Variants in SLC6A20 observed in about 807,000 individuals in gnomAD.
SLC6A20 encodes sodium- and chloride-dependent transporter XTRP3.
SLC6A20 carries 73 observed loss-of-function variants against 64.3 expected under a neutral mutation model. The ratio of observed to expected loss-of-function variants is 1.14; its 90% confidence interval spans 0.94 to 1.38. The LOEUF is 1.38. Among genes scored for constraint, SLC6A20 ranks in the 40% most tolerant of loss-of-function variants. The probability of loss-of-function intolerance (pLI) is 0.00; values close to 1 mark genes in which losing one functional copy is unlikely to be tolerated. For missense variants in SLC6A20, 725 were observed against 772.8 expected, an observed-to-expected ratio of 0.94 and a Z score of 0.73; for synonymous variants, 347 against 329.6, an observed-to-expected ratio of 1.05 and a Z score of -0.57.
intron 6 of SLC6A20, 76 bp from the exon 7 acceptor site, chr3:45,770,447 C>A: frequency 6.4e-7 from 1 of 1,556,578 alleles, no homozygotes; most frequent in Non-Finnish European, 8.7e-7. Context: ...TCAGCCTCTT[C>A]TTTTCTGATT....
chr3:45,771,514 A>G, intron 5 of SLC6A20, 56 bp from the exon 6 acceptor site: 1 of 1,605,926 alleles, frequency 6.2e-7, no homozygotes, highest in African/African-American at 1.3e-5. Context: ...CCAAATGCTC[A>G]GACCCGCAAC....
At position 45,759,137 on chromosome 3, in the gene SLC6A20, G is replaced by T. The variant is rs1374624485; in HGVS notation, c.1630-10C>A. The stretch of plus-strand genomic sequence containing the variant: ...TGGTCACGAGCTGGCCCTGAAAGGA[G>T]AGACTGAGTGTCAGCAGAGAGCACC... On this transcript the variant is annotated splice_polypyrimidine_tract_variant and intron_variant, in intron 10 of 10. Transcript: ENST00000358525. 6.2e-7 allele frequency: 1 copy of T among 1,605,732 alleles called. No individual in the cohort carries two copies. The highest frequency in any genetic ancestry group is 1.3e-5 in the African/African-American group (1 of 74,812).
chr3:45,757,258 G>A lies in SLC6A20; in HGVS notation c.*1720C>T. 1 of 150,506 alleles carries A rather than the reference G, an allele frequency of 6.6e-6. No homozygotes were observed. The highest frequency in any genetic ancestry group is 1.5e-5 in the Non-Finnish European group (1 of 67,900). The allele number at this position is 150,506 out of a possible 1,614,324, so 9.3% of individuals were successfully genotyped here. ...CAGAAGCCTTCCTCTTATCTCAACT[G>A]CAAAGAGGCCTCCCTCCTTCACTAT... On this transcript the variant is annotated 3_prime_UTR_variant, in exon 11 of 11. Transcript: ENST00000358525.
At chr3:45,785,189 TAGG>T in intron 1 of SLC6A20, among the ~76,000 whole-genome samples, 1 of 151,254 alleles carries the variant, frequency 6.6e-6, no homozygotes, top group Admixed American at 6.6e-5. Context: ...AGTAGGGGAG[TAGG>T]AAGGGGTTGA....
chr3:45,765,646 C>G lies in SLC6A20; in HGVS notation c.1194G>C (p.Met398Ile). The change falls in exon 8 of 11, where the codon ATG becomes ATC. Residue 398 changes from methionine to isoleucine, a missense_variant. Coordinates refer to ENST00000358525, the MANE Select transcript of SLC6A20 (RefSeq NM_020208.4). This position sits in a 1 kb window ranked among gnomAD's most constrained non-coding sequence, Gnocchi z 4.2. ...TGCTCCCAATGCCCAGCATCAGCAG[C>G]ATGAAGAAGTAGAGCACCGACCACA... is the stretch of plus-strand genomic sequence containing the variant. ...SQLWSVLYFF[M>I]LLMLGIGSML... 2 of 1,614,216 alleles carry G rather than the reference C, an allele frequency of 1.2e-6. No individual in the cohort carries two copies. Among genetic ancestry groups the G allele is most frequent in the South Asian group, 2.2e-5 (2 of 91,090 alleles).
rs545433275 is a variant in SLC6A20 at position 45,765,665 on chromosome 3, G to T, written c.1175C>A (p.Ser392Ter). ...CAGCAGCATGAAGAAGTAGAGCACC[G>T]ACCACAGCTGGGACACCTCCATGTT... ...IKNMEVSQLW[S>*]VLYFFMLLML... Residue 392 changes from serine to a stop codon, truncating the protein, a stop_gained, in exon 8 of 11, where the codon TCG becomes TAG. Coordinates refer to ENST00000358525, the MANE Select transcript of SLC6A20 (RefSeq NM_020208.4). LOFTEE classifies it high-confidence loss of function. This position sits in a 1 kb window ranked among gnomAD's most constrained non-coding sequence, Gnocchi z 4.2. 5 of 1,614,046 alleles carry T rather than the reference G, an allele frequency of 3.1e-6. No individual in the cohort carries two copies. In the African/African-American group the frequency reaches 5.3e-5, roughly 17 times the overall value.
intron 3 of SLC6A20, among the ~76,000 whole-genome samples, chr3:45,777,719 T>C (rs1699994804): frequency 6.6e-6 from 1 of 152,178 alleles, no homozygotes; most frequent in Non-Finnish European, 1.5e-5. Flanking sequence ...ACAGGGGTCC[T>C]GGTAGACCTG....
chr3:45,767,082 T>C (rs1268512306), intron 7 of SLC6A20, among the ~76,000 whole-genome samples: 2 of 152,258 alleles, frequency 1.3e-5, no homozygotes, highest in Non-Finnish European at 2.9e-5. Context: ...AATTCTATAG[T>C]ATACCAGTTG....
chr3:45,761,638 G>A (rs1699684028), intron 9 of SLC6A20, among the ~76,000 whole-genome samples: 1 of 152,146 alleles, frequency 6.6e-6, no homozygotes, highest in Non-Finnish European at 1.5e-5. Context: ...CTCAATCCTG[G>A]GGAAACAGGG....
chr3:45,763,135 T>C, intron 8 of SLC6A20, 63 bp from the exon 9 acceptor site: 1 of 1,596,390 alleles, frequency 6.3e-7, no homozygotes, highest in Non-Finnish European at 8.6e-7. Flanking sequence ...TTACCAGTTC[T>C]CTACAGGACA....
rs1302837982 is a variant in SLC6A20 at position 45,759,063 on chromosome 3, G to A, written c.1694C>T (p.Ser565Phe). Residue 565 changes from serine to phenylalanine, a missense_variant, in exon 11 of 11, where the codon TCC becomes TTC. By Grantham distance (155) the Ser-to-Phe change is radical. Transcript: ENST00000358525. The stretch of plus-strand genomic sequence containing the variant: ...CGCCAGGGGGATGCACATGGTGGAG[G>A]AGGCCACAAGCAGCCCGATGACAGC... ...ALAVIGLLVASSTMCIPLAAL... is the reference protein window; with the variant it reads ...ALAVIGLLVAFSTMCIPLAAL... 1 of 1,612,956 alleles carries A rather than the reference G, an allele frequency of 6.2e-7. No homozygotes were observed. Among genetic ancestry groups the A allele is most frequent in the Non-Finnish European group, 8.5e-7 (1 of 1,179,708 alleles).
chr3:45,771,453 C>A lies in SLC6A20; in HGVS notation c.699G>T (p.Glu233Asp), dbSNP rs1182033974. Residue 233 changes from glutamate to aspartate, a missense_variant, in exon 6 of 11, where the codon GAG (glutamate) becomes GAT (aspartate). Coordinates refer to ENST00000358525, the MANE Select transcript of SLC6A20 (RefSeq NM_020208.4). ...TCCAGGCCTTGGGGTTGGCCAGCTG[C>A]TCTATCTGGAAGGCCAGCAGGGACA... is the stretch of plus-strand genomic sequence containing the variant. The part of the protein sequence containing the change: ...GLMYMFTPKI[E>D]QLANPKAWIN... The A allele has an allele frequency of 6.2e-7, 1 of 1,614,044 alleles. No individual in the cohort carries two copies. The highest frequency in any genetic ancestry group is 8.5e-7 in the Non-Finnish European group (1 of 1,179,990).
rs778375440 is a variant in SLC6A20 at position 45,758,961 on chromosome 3, G to A, written c.*17C>T. The A allele has an allele frequency of 1.3e-6, 2 of 1,585,436 alleles. No individual in the cohort carries two copies. Among genetic ancestry groups the A allele is most frequent in the Non-Finnish European group, 1.7e-6 (2 of 1,166,420 alleles). On this transcript the variant is annotated 3_prime_UTR_variant, in exon 11 of 11. Transcript: ENST00000358525. ...AATAGTATCTGTAAAACCGTGAGCGGCTGGGAAGCCCACATCTCAGGCCAC... is the reference window on the plus strand; with the variant it reads ...AATAGTATCTGTAAAACCGTGAGCGACTGGGAAGCCCACATCTCAGGCCAC...
chr3:45,759,072 A>C lies in SLC6A20; in HGVS notation c.1685T>G (p.Leu562Arg), dbSNP rs759972000. ...GATGCACATGGTGGAGGAGGCCACA[A>C]GCAGCCCGATGACAGCCAGTGCATA... ...PAYALAVIGLLVASSTMCIPL... is the reference protein window; with the variant it reads ...PAYALAVIGLRVASSTMCIPL... The change falls in exon 11 of 11, where the codon CTT (leucine) becomes CGT (arginine). Residue 562 changes from leucine (L) to arginine (R), a missense_variant. By Grantham distance (102) the Leu-to-Arg change is moderately radical. Coordinates refer to ENST00000358525, the MANE Select transcript of SLC6A20 (RefSeq NM_020208.4). 5 of 1,612,968 alleles carry C rather than the reference A, an allele frequency of 3.1e-6. No homozygotes were observed. Among genetic ancestry groups the C allele is most frequent in the Non-Finnish European group, 4.2e-6 (5 of 1,179,732 alleles).
At chr3:45,795,467 A>G (rs979447465) in intron 1 of SLC6A20, among the ~76,000 whole-genome samples, 3 of 152,208 alleles carry the variant, frequency 2.0e-5, no homozygotes, top group Non-Finnish European at 2.9e-5. Flanking sequence ...AATGATGGTG[A>G]CCATCCTTCT....
intron 3 of SLC6A20, 121 bp from the exon 4 acceptor site, chr3:45,776,109 G>A: frequency 2.1e-6 from 2 of 950,192 alleles, no homozygotes; most frequent in Non-Finnish European, 1.6e-6. Context: ...GGTCCCCGAA[G>A]GGCAGGTGGC....
chr3:45,758,607 G>T lies in SLC6A20; in HGVS notation c.*371C>A. On this transcript the variant is annotated 3_prime_UTR_variant, in exon 11 of 11. Transcript: ENST00000358525. ...AAAAATATTTGTCCTCTAATATTTT[G>T]GTGTCTCTTCAGCCAAAAACAAAAA... 9.0e-7 allele frequency: 1 copy of T among 1,107,734 alleles called. No individual in the cohort carries two copies. The highest frequency in any genetic ancestry group is 1.1e-6 in the Non-Finnish European group (1 of 902,356). The allele number at this position is 1,107,734 out of a possible 1,614,324, so 68.6% of individuals were successfully genotyped here. A position where few individuals can be genotyped will look rare whatever the true frequency, so the allele number is the denominator to read the frequency against.
chr3:45,763,805 A>G (rs1046960482), intron 8 of SLC6A20, among the ~76,000 whole-genome samples: 1 of 152,152 alleles, frequency 6.6e-6, no homozygotes, highest in Non-Finnish European at 1.5e-5. Context: ...GACCCCATGC[A>G]TGTCTGAGTC....
chr3:45,758,386 G>C lies in SLC6A20; in HGVS notation c.*592C>G, dbSNP rs1180610280. ...GTCTGGTCCTGGACCCACCGTCAGA[G>C]ACCTTAGAGAAAGGATCCCTTTGGG... On this transcript the variant is annotated 3_prime_UTR_variant, in exon 11 of 11. Transcript: ENST00000358525. 3 of 1,266,534 alleles carry C rather than the reference G, an allele frequency of 2.4e-6. No individual in the cohort carries two copies. The highest frequency in any genetic ancestry group is 1.0e-6 in the Non-Finnish European group (1 of 974,862). The allele number at this position is 1,266,534 out of a possible 1,614,324, so 78.5% of individuals were successfully genotyped here. A position where few individuals can be genotyped will look rare whatever the true frequency, so the allele number is the denominator to read the frequency against.
Sources: gnomAD v4.1 joint callset for allele counts (sites outside exome capture counted in the v4.1 genomes callset) on GRCh38, gnomAD v4.1.1 for gene constraint, Gnocchi (gnomAD v3.1) non-coding constraint, MANE v1.5 for transcripts, NCBI Gene and HGNC (gene_info 2026-07-23, HGNC 2026-07-21) for gene names.